POLK: variants seen among roughly 807,000 people sequenced by gnomAD.
The protein encoded by POLK is DNA polymerase kappa, also known as polymerase (DNA directed) kappa.
In POLK, 76 loss-of-function variants were observed where a neutral mutation model predicts 94.0. That is an observed-to-expected ratio of 0.81 (90% CI 0.67 to 0.98). POLK has a LOEUF of 0.98. Among genes scored for constraint, POLK ranks in the 50% least tolerant of loss-of-function variants. The pLI is 0.00. For synonymous variants in POLK, 349 were observed against 325.4 expected, an observed-to-expected ratio of 1.07 and a Z score of -0.78; for missense variants, 954 against 1,010.1, an observed-to-expected ratio of 0.94 and a Z score of 0.75.
At chr5:75,579,766 G>A (rs1015160225) in intron 6 of POLK, among the ~76,000 whole-genome samples, 3 of 151,934 alleles carry the variant, frequency 2.0e-5, no homozygotes, top group Non-Finnish European at 4.4e-5. Context: ...AGGCTTATTG[G>A]CGAGGCAAGG....
chr5:75,581,739 G>A (rs1247865046), intron 7 of POLK: 2 of 255,700 alleles, frequency 7.8e-6, no homozygotes, highest in East Asian at 1.1e-4. Flanking sequence ...GCAGTGGGGC[G>A]ATCTCATTCA....
chr5:75,575,275 A>C (rs1419145492), intron 5 of POLK, among the ~76,000 whole-genome samples: 1 of 152,146 alleles, frequency 6.6e-6, no homozygotes, highest in Non-Finnish European at 1.5e-5. Context: ...TAAACTCTTG[A>C]GTTAAGCAAT....
chr5:75,586,455 A>G, intron 9 of POLK, among the ~76,000 whole-genome samples: 1 of 152,190 alleles, frequency 6.6e-6, no homozygotes, highest in Admixed American at 6.5e-5. Context: ...TGAGTACTCT[A>G]CATGTCATTT....
intron 7 of POLK, 23 bp from the exon 8 acceptor site, chr5:75,583,270 C>T (rs1772296049): frequency 2.6e-6 from 4 of 1,549,774 alleles, no homozygotes; most frequent in Non-Finnish European, 3.5e-6. Context: ...TTCTTTGAGT[C>T]ATCAGAGTAT....
rs143493379 is a variant in POLK at position 75,572,599 on chromosome 5, T to C, written c.409-1139T>C. On this transcript the variant is annotated intron_variant, in intron 4 of 14. Transcript: ENST00000241436. Reference sequence around the variant, plus strand: ...CCAAATTTTGATATTCATTCTATAATAAGTATGCCTTAAAACCAATGAAGT... The same window carrying C: ...CCAAATTTTGATATTCATTCTATAACAAGTATGCCTTAAAACCAATGAAGT... Among the ~76,000 whole-genome samples the C allele has an allele frequency of 2.1e-3, 317 of 152,320 alleles. 1 individual carries two copies. The East Asian group carries it at 0.027, about 13-fold the overall frequency.
In POLK at chr5:75,519,062, AC is replaced by A. The variant is rs1232067495; in HGVS notation, c.-14+7149del. On this transcript the variant is annotated intron_variant, in intron 1 of 14. Transcript: ENST00000241436. Reference sequence around the variant, plus strand: ...GCTGGCCTCAAACTCTTGGCTTCAAACAGTCCTTCCACCTTGACCTCTCAAA... The same window carrying A: ...GCTGGCCTCAAACTCTTGGCTTCAAAAGTCCTTCCACCTTGACCTCTCAAA... Among the ~76,000 whole-genome samples, 5 of 152,252 alleles carry A rather than the reference AC, an allele frequency of 3.3e-5. No homozygotes were observed. The East Asian group carries it at 9.7e-4, about 29-fold the overall frequency.
At chr5:75,516,847 T>C (rs1222292642) in intron 1 of POLK, among the ~76,000 whole-genome samples, 1 of 152,186 alleles carries the variant, frequency 6.6e-6, no homozygotes, top group Non-Finnish European at 1.5e-5. Context: ...GAGATAGTCT[T>C]ATTCTTCTGC....
At chr5:75,591,737 C>T (rs921771829) in intron 11 of POLK, among the ~76,000 whole-genome samples, 15 of 152,100 alleles carry the variant, frequency 9.9e-5, no homozygotes, top group Admixed American at 4.6e-4. Context: ...TTTTCATGAC[C>T]TTGACAGTGT....
chr5:75,529,065 G>C (rs1027581336), intron 1 of POLK, among the ~76,000 whole-genome samples: 75 of 152,230 alleles, frequency 4.9e-4, no homozygotes, highest in Admixed American at 3.6e-3. Context: ...AATTGTGTTA[G>C]TCCATTTGCA....
chr5:75,527,512 C>T (rs1049585165), intron 1 of POLK, among the ~76,000 whole-genome samples: 2,340 of 144,872 alleles, frequency 0.016, 60 homozygotes, highest in African/African-American at 0.056. Context: ...TACACACACA[C>T]ACACACACAC....
intron 1 of POLK, among the ~76,000 whole-genome samples, chr5:75,531,005 C>T (rs1462695122): frequency 1.3e-5 from 2 of 151,746 alleles, no homozygotes; most frequent in African/African-American, 4.8e-5. Context: ...GACGGAGTTT[C>T]ACCGTGTTAG....
exon 13 of POLK, chr5:75,596,285 G>C: frequency 6.2e-7 from 1 of 1,613,598 alleles, no homozygotes; most frequent in Non-Finnish European, 8.5e-7. Context: ...AGCATTATTG[G>C]CTTTTTACAG....
At chr5:75,602,943 A>G (rs1773329485), downstream of POLK, among the ~76,000 whole-genome samples, 2 of 152,218 alleles carry the variant, frequency 1.3e-5, no homozygotes, top group Admixed American at 6.5e-5. Flanking sequence ...CCGCAAGGTC[A>G]GTGTCCCCAC....
rs1294752449 is a variant in POLK at position 75,569,426 on chromosome 5, TG to T, written c.343del (p.Val115Ter). On this transcript the variant is annotated frameshift_variant, in exon 4 of 15. Coordinates refer to ENST00000241436, the Ensembl canonical transcript of POLK. LOFTEE classifies it high-confidence loss of function. Reference sequence around the variant, plus strand: ...TTGACATGGATGCTTTCTATGCAGCTGTAGAAATGAGGGACAATCCAGAATT... The same window carrying T: ...TTGACATGGATGCTTTCTATGCAGCTTAGAAATGAGGGACAATCCAGAATT... 6.2e-7 allele frequency: 1 copy of T among 1,613,340 alleles called. No homozygotes were observed. The highest frequency in any genetic ancestry group is 8.5e-7 in the Non-Finnish European group (1 of 1,179,330).
chr5:75,576,269 A>G (rs554079765), intron 5 of POLK, among the ~76,000 whole-genome samples: 1 of 152,152 alleles, frequency 6.6e-6, no homozygotes. Context: ...GCATTAATTA[A>G]TGTTAAGTGG....
exon 13 of POLK, chr5:75,596,868 G>A: frequency 8.7e-6 from 14 of 1,613,524 alleles, no homozygotes; most frequent in Non-Finnish European, 1.1e-5. Flanking sequence ...AGCATAGCAA[G>A]GAAGAATGTT....
At chr5:75,547,696 C>A (rs1265417140) in intron 2 of POLK, among the ~76,000 whole-genome samples, 1 of 152,130 alleles carries the variant, frequency 6.6e-6, no homozygotes, top group East Asian at 1.9e-4. Context: ...GGAATTGTTT[C>A]ACCAACTACA....
chr5:75,535,995 T>G (rs1372078652), intron 1 of POLK, among the ~76,000 whole-genome samples: 1 of 152,150 alleles, frequency 6.6e-6, no homozygotes, highest in African/African-American at 2.4e-5. Flanking sequence ...ACTAGTGTGG[T>G]CGTTTGGAGG....
At chr5:75,579,017 A>T (rs190506090) in intron 6 of POLK, among the ~76,000 whole-genome samples, 1 of 152,338 alleles carries the variant, frequency 6.6e-6, no homozygotes, top group Admixed American at 6.5e-5. Context: ...AAACTACTTC[A>T]GCTCTTAGTT....
Sources: gnomAD v4.1 joint callset for allele counts (sites outside exome capture counted in the v4.1 genomes callset) on GRCh38, gnomAD v4.1.1 for gene constraint, MANE v1.5 for transcripts, NCBI Gene and HGNC (gene_info 2026-07-23, HGNC 2026-07-21) for gene names.